The following SMC6 variants were observed in gnomAD, a reference collection of about 807,000 sequenced individuals.
The protein encoded by SMC6 is structural maintenance of chromosomes 6.
Under a neutral mutation model 142.2 loss-of-function variants are expected in SMC6, and 79 were observed. The observed-to-expected ratio is 0.56, with a 90% CI of 0.46 to 0.67. SMC6 has a LOEUF of 0.67. Ranked by LOEUF, SMC6 falls within the 30% of genes least tolerant of loss-of-function variation. SMC6 has a pLI of 0.00. For synonymous variants in SMC6, 411 were observed against 412.4 expected (o/e 1.00, Z 0.04); for missense variants, 1,072 against 1,284.0 (o/e 0.83, Z 2.52).
Position 17,703,261 on chromosome 2 carries a change from C to A in SMC6, c.2038G>T (p.Ala680Ser). ...DLENEVENKT[A>S]QILNLQQHLS... ...TGTTGCTGAAGATTTAATATCTGGG[C>A]CGTCTTATTTTCAACCTCATTCTCC... The change falls in exon 19 of 28, where the codon GCC becomes TCC. Residue 680 changes from alanine (A) to serine (S), a missense_variant. By Grantham distance (99) the Ala-to-Ser change is moderately conservative. Coordinates refer to ENST00000448223, the MANE Select transcript of SMC6 (RefSeq NM_001142286.2). The A allele has an allele frequency of 1.2e-6, 2 of 1,604,982 alleles. No individual in the cohort carries two copies. Among genetic ancestry groups the A allele is most frequent in the South Asian group, 1.1e-5 (1 of 89,404 alleles).
intron 4 of SMC6, among the ~76,000 whole-genome samples, chr2:17,739,462 T>C (rs181122534): frequency 6.4e-4 from 97 of 152,134 alleles, no homozygotes; most frequent in East Asian, 4.5e-3. Flanking sequence ...CTGGCCAACA[T>C]AGTGAAACCC....
Position 17,665,424 on chromosome 2 carries a change from T to C in SMC6, c.*75A>G. 2 of 840,172 alleles carry C rather than the reference T, an allele frequency of 2.4e-6. No individual in the cohort carries two copies. The allele number at this position is 840,172 out of a possible 1,614,324, so 52.0% of individuals were successfully genotyped here. A position where few individuals can be genotyped will look rare whatever the true frequency, so the allele number is the denominator to read the frequency against. ...CAGAATGCCTCCAGTCTCATTTTAT[T>C]ATATCAAAGAGTCCAGAATTTTTTT... On this transcript the variant is annotated 3_prime_UTR_variant, in exon 28 of 28. Coordinates refer to ENST00000448223, the MANE Select transcript of SMC6 (RefSeq NM_001142286.2).
chr2:17,737,516 T>C (rs1314142593), intron 5 of SMC6, among the ~76,000 whole-genome samples: 2 of 152,166 alleles, frequency 1.3e-5, no homozygotes, highest in Non-Finnish European at 2.9e-5. Context: ...GAGATAAGCC[T>C]GAAGACAGAA....
intron 2 of SMC6, among the ~76,000 whole-genome samples, chr2:17,751,141 A>G (rs1671009691): frequency 6.6e-6 from 1 of 152,028 alleles, no homozygotes; most frequent in Non-Finnish European, 1.5e-5. Flanking sequence ...AAGTTCATGG[A>G]ACAGGTTTGG....
At chr2:17,731,599 TG>T in intron 6 of SMC6, 141 bp downstream of exon 6, 1 of 420,674 alleles carries the variant, frequency 2.4e-6, no homozygotes, top group African/African-American at 2.1e-5. Context: ...CATATGCACG[TG>T]TGTGTGTGTG....
chr2:17,670,211 A>ACC (rs1340946416), intron 26 of SMC6, among the ~76,000 whole-genome samples: 1 of 152,060 alleles, frequency 6.6e-6, no homozygotes, highest in African/African-American at 2.4e-5. Context: ...GAAGAGGAGG[A>ACC]CCCCTCCAGG....
chr2:17,714,961 C>T lies in SMC6; in HGVS notation c.1630G>A (p.Val544Ile). 6.2e-7 allele frequency: 1 copy of T among 1,613,920 alleles called. No individual in the cohort carries two copies. The highest frequency in any genetic ancestry group is 1.1e-5 in the South Asian group (1 of 91,070). ...AACCTTTTCATGAGTGCCTGAAGGA[C>T]CCTTTCATCAGCATGATTATGGCAA... ...YCCHNHADER[V>I]LQALMKRFYL... Residue 544 changes from valine to isoleucine, a missense_variant, in exon 16 of 28, where the codon GTC becomes ATC. Val to Ile is a conservative substitution (Grantham distance 29, BLOSUM62 3). Transcript: ENST00000448223.
chr2:17,694,385 ATACTCTGATTTGATCAT>A (rs1667892763), intron 23 of SMC6, among the ~76,000 whole-genome samples: 1 of 152,228 alleles, frequency 6.6e-6, no homozygotes, highest in Admixed American at 6.5e-5. Context: ...AAGATCCTAA[ATACTCTGATTTGATCAT>A]TACACATCGT....
intron 2 of SMC6, among the ~76,000 whole-genome samples, chr2:17,747,359 GTC>G (rs1220252274): frequency 1.3e-5 from 2 of 152,166 alleles, no homozygotes; most frequent in African/African-American, 4.8e-5. Flanking sequence ...CCAGATCTGA[GTC>G]TCTTTGTCCG....
At position 17,717,110 on chromosome 2, in the gene SMC6, G is replaced by A. The variant is rs764336831; in HGVS notation, c.1159C>T (p.Arg387Ter). 6.2e-6 allele frequency: 10 copies of A among 1,610,272 alleles called. No homozygotes were observed. The highest frequency in any genetic ancestry group is 5.1e-6 in the Non-Finnish European group (6 of 1,178,792). Residue 387 changes from arginine (R) to a stop codon, truncating the protein, a stop_gained, in exon 13 of 28, where the codon CGA (arginine) becomes TGA (stop). Transcript: ENST00000448223. LOFTEE classifies it high-confidence loss of function. The part of the protein sequence containing the change: ...LKKDDEQLCK[R>*]IEELKKSTDQ... ...TACCTTTTTTTCAGCTCTTCAATTCGTTTACAAAGCTGCTCATCATCTTTC... is the reference window on the plus strand; with the variant it reads ...TACCTTTTTTTCAGCTCTTCAATTCATTTACAAAGCTGCTCATCATCTTTC...
intron 17 of SMC6, 31 bp downstream of exon 17, chr2:17,708,608 A>G (rs1315183957): frequency 2.9e-5 from 35 of 1,208,272 alleles, no homozygotes; most frequent in Non-Finnish European, 3.8e-5. Flanking sequence ...TAACAATAAC[A>G]TCAAATACAG....
At chr2:17,729,103 G>A (rs1005338456) in intron 7 of SMC6, among the ~76,000 whole-genome samples, 4 of 151,878 alleles carry the variant, frequency 2.6e-5, no homozygotes, top group Non-Finnish European at 5.9e-5. Flanking sequence ...TAGAGAAATA[G>A]GTGAAATTTA....
intron 2 of SMC6, among the ~76,000 whole-genome samples, chr2:17,748,139 G>GACTT (rs1670849073): frequency 6.6e-6 from 1 of 152,144 alleles, no homozygotes; most frequent in Non-Finnish European, 1.5e-5. Flanking sequence ...ACCACAAAAG[G>GACTT]ACTTGTAGAC....
At chr2:17,692,238 G>A (rs572132500) in intron 23 of SMC6, among the ~76,000 whole-genome samples, 4 of 152,234 alleles carry the variant, frequency 2.6e-5, no homozygotes, top group Admixed American at 1.3e-4. Context: ...AAAAGAGCCC[G>A]CGTTGCCAAG....
intron 23 of SMC6, among the ~76,000 whole-genome samples, chr2:17,687,832 T>A (rs1667528465): frequency 6.6e-6 from 1 of 152,120 alleles, no homozygotes; most frequent in Admixed American, 6.5e-5. Flanking sequence ...TCAAGTCAAT[T>A]AATAACTACA....
intron 16 of SMC6, chr2:17,713,316 A>G (rs1328748374): frequency 3.0e-5 from 10 of 335,986 alleles, no homozygotes; most frequent in Admixed American, 2.4e-4. Flanking sequence ...CTTGGTAGCC[A>G]ATCTAAACCC....
rs751244792 is a variant in SMC6 at position 17,716,185 on chromosome 2, G to A, written c.1426C>T (p.Arg476Ter). 6 of 1,612,562 alleles carry A rather than the reference G, an allele frequency of 3.7e-6. No homozygotes were observed. Among genetic ancestry groups the A allele is most frequent in the South Asian group, 1.1e-5 (1 of 90,850 alleles). The part of the protein sequence containing the change: ...LKELKDSKTD[R>*]LKRFGPNVPA... ...ACATTAGGGCCAAATCTTTTGAGTC[G>A]ATCAGTTTTACTATCTTTCAATTCT... Residue 476 changes from arginine (R) to a stop codon, truncating the protein, a stop_gained, in exon 15 of 28, where the codon CGA (arginine) becomes TGA (stop). Transcript: ENST00000448223. LOFTEE classifies it high-confidence loss of function.
At chr2:17,703,323 TTTAAATCTTTTTCTC>T in intron 18 of SMC6, 31 bp from the exon 19 acceptor site, 1 of 1,565,046 alleles carries the variant, frequency 6.4e-7, no homozygotes, top group African/African-American at 1.4e-5. Context: ...TAGAAAATAC[TTTAAATCTTTTTCTC>T]AATATTACAA....
intron 20 of SMC6, 128 bp downstream of exon 20, chr2:17,701,701 T>C: frequency 1.6e-6 from 1 of 608,716 alleles, no homozygotes; most frequent in Non-Finnish European, 2.9e-6. Flanking sequence ...TCTTGGTGAA[T>C]GGAGACAGCA....
Sources: allele counts gnomAD v4.1 joint callset (sites outside exome capture counted in the v4.1 genomes callset), GRCh38; gene constraint gnomAD v4.1.1; transcripts MANE v1.5; gene names NCBI Gene and HGNC (gene_info 2026-07-23, HGNC 2026-07-21).